Variants in RERG observed in about 807,000 individuals in gnomAD.
The protein encoded by RERG is RAS like estrogen regulated growth inhibitor.
A neutral mutation model predicts 23.2 loss-of-function variants in RERG; 25 were observed. That is an observed-to-expected ratio of 1.08 (90% CI 0.79 to 1.50). The LOEUF is 1.50. RERG is among the 40% of genes most tolerant of loss of function. The pLI is 0.00. For missense variants in RERG, 253 were observed against 250.1 expected (o/e 1.01, Z -0.08); for synonymous variants, 81 against 89.1 (o/e 0.91, Z 0.51).
intron 2 of RERG, among the ~76,000 whole-genome samples, chr12:15,200,023 C>T (rs561052392): frequency 2.2e-4 from 33 of 152,062 alleles, no homozygotes; most frequent in Non-Finnish European, 4.1e-4. Flanking sequence ...TAACTCCACA[C>T]GAAGTGCACA....
chr12:15,142,833 T>C (rs1864260480), intron 2 of RERG, among the ~76,000 whole-genome samples: 1 of 152,176 alleles, frequency 6.6e-6, no homozygotes, highest in African/African-American at 2.4e-5. Flanking sequence ...TCATCATCTG[T>C]TATATTCTCA....
At chr12:15,202,977 T>C (rs1293572683) in intron 2 of RERG, among the ~76,000 whole-genome samples, 6 of 151,786 alleles carry the variant, frequency 4.0e-5, no homozygotes, top group Non-Finnish European at 3.0e-5. Flanking sequence ...TTTTTGCTGT[T>C]GCTGTTGCTG....
At chr12:15,218,219 C>T (rs1009283871) in intron 1 of RERG, among the ~76,000 whole-genome samples, 6 of 152,134 alleles carry the variant, frequency 3.9e-5, no homozygotes, top group African/African-American at 7.2e-5. Context: ...GGTACAAAAA[C>T]GATAAATGCC....
At chr12:15,124,785 G>T (rs1863906612) in intron 2 of RERG, among the ~76,000 whole-genome samples, 1 of 151,902 alleles carries the variant, frequency 6.6e-6, no homozygotes, top group Non-Finnish European at 1.5e-5. Context: ...GTGGTGAGTT[G>T]ATTGCATTGG....
chr12:15,111,166 A>C, intron 4 of RERG, 178 bp downstream of exon 4: 1 of 517,968 alleles, frequency 1.9e-6, no homozygotes, highest in Non-Finnish European at 3.4e-6. Context: ...AGTTTATATA[A>C]GGATGAATAT....
At chr12:15,170,438 G>A (rs1354560019) in intron 2 of RERG, among the ~76,000 whole-genome samples, 1 of 151,948 alleles carries the variant, frequency 6.6e-6, no homozygotes, top group Non-Finnish European at 1.5e-5. Flanking sequence ...AAAATAGAGT[G>A]CTTTTTTAAA....
chr12:15,157,119 G>A (rs980142668), intron 2 of RERG, among the ~76,000 whole-genome samples: 2 of 152,096 alleles, frequency 1.3e-5, no homozygotes, highest in Non-Finnish European at 2.9e-5. Flanking sequence ...GATGGCCTCC[G>A]TTTTTCATTC....
intron 2 of RERG, among the ~76,000 whole-genome samples, chr12:15,179,408 G>A (rs2193172): frequency 2.0e-5 from 3 of 152,034 alleles, no homozygotes; most frequent in East Asian, 1.9e-4. Context: ...AAGTGCAGAA[G>A]TGCATTAAGG....
At chr12:15,160,677 A>T (rs1325493245) in intron 2 of RERG, among the ~76,000 whole-genome samples, 1 of 152,238 alleles carries the variant, frequency 6.6e-6, no homozygotes, top group East Asian at 1.9e-4. Context: ...TGCTTTGTCC[A>T]AAGACATTTG....
At chr12:15,144,792 T>C (rs1025687221) in intron 2 of RERG, among the ~76,000 whole-genome samples, 3 of 152,236 alleles carry the variant, frequency 2.0e-5, no homozygotes, top group Non-Finnish European at 4.4e-5. Context: ...CAGTCATCAT[T>C]TGGTCTGAAG....
chr12:15,144,599 G>A (rs975666237), intron 2 of RERG, among the ~76,000 whole-genome samples: 1 of 152,214 alleles, frequency 6.6e-6, no homozygotes, highest in African/African-American at 2.4e-5. Context: ...GATGAGAACT[G>A]GGAACTGGAT....
At chr12:15,141,441 T>A (rs777443368) in intron 2 of RERG, among the ~76,000 whole-genome samples, 8 of 152,232 alleles carry the variant, frequency 5.3e-5, no homozygotes, top group African/African-American at 1.2e-4. Context: ...TCTTCCTTTC[T>A]GTTAGTTTTG....
intron 2 of RERG, among the ~76,000 whole-genome samples, chr12:15,212,115 A>C (rs1397921200): frequency 7.7e-6 from 1 of 129,188 alleles, no homozygotes; most frequent in Admixed American, 9.7e-5. Context: ...TGCGGACTGC[A>C]GTGGCGGAAT....
At chr12:15,174,496 G>A (rs34516088) in intron 2 of RERG, among the ~76,000 whole-genome samples, 17,139 of 150,102 alleles carry the variant, frequency 0.11, 989 homozygotes, top group Middle Eastern at 0.15. Flanking sequence ...GTGTGTGTGT[G>A]TATATATATA....
At chr12:15,156,353 C>T (rs1864522509) in intron 2 of RERG, among the ~76,000 whole-genome samples, 1 of 152,182 alleles carries the variant, frequency 6.6e-6, no homozygotes, top group East Asian at 1.9e-4. Context: ...CCCCTGAAAT[C>T]TACCTGTGGA....
intron 2 of RERG, among the ~76,000 whole-genome samples, chr12:15,123,282 C>T (rs969568025): frequency 1.3e-5 from 2 of 151,980 alleles, no homozygotes; most frequent in South Asian, 4.2e-4. Flanking sequence ...GCTTTCAAAA[C>T]CAAGTATACT....
In RERG at chr12:15,163,367, T is replaced by C. The variant is rs554738734; in HGVS notation, c.62-42248A>G. ...GCCCTTGTTAATTTTCCAATGAATATACAGATTTGAAAGCAAAGGAACAAT... is the reference window on the plus strand; with the variant it reads ...GCCCTTGTTAATTTTCCAATGAATACACAGATTTGAAAGCAAAGGAACAAT... On this transcript the variant is annotated intron_variant, in intron 2 of 4. Transcript: ENST00000256953. Among the ~76,000 whole-genome samples, 7 of 152,272 alleles carry C rather than the reference T, an allele frequency of 4.6e-5. No homozygotes were observed. In the South Asian group the frequency reaches 6.2e-4, roughly 14 times the overall value.
intron 2 of RERG, among the ~76,000 whole-genome samples, chr12:15,130,367 C>T (rs1330613242): frequency 6.6e-6 from 1 of 152,130 alleles, no homozygotes; most frequent in Non-Finnish European, 1.5e-5. Flanking sequence ...CTCATGGTGG[C>T]ATCTCTTGCT....
chr12:15,170,140 TAA>T (rs145782657), intron 2 of RERG, among the ~76,000 whole-genome samples: 9,045 of 152,120 alleles, frequency 0.059, 908 homozygotes, highest in African/African-American at 0.21. Flanking sequence ...GAATAAAACT[TAA>T]GACTATTTTA....
Sources: gnomAD v4.1 joint callset for allele counts (sites outside exome capture counted in the v4.1 genomes callset) on GRCh38, gnomAD v4.1.1 for gene constraint, MANE v1.5 for transcripts, NCBI Gene and HGNC (gene_info 2026-07-23, HGNC 2026-07-21) for gene names.